The following CTNNA3 variants were observed in gnomAD, a reference collection of about 807,000 sequenced individuals.
CTNNA3 encodes catenin alpha-3.
Under a neutral mutation model 95.7 loss-of-function variants are expected in CTNNA3, and 76 were observed. That is an observed-to-expected ratio of 0.79 (90% CI 0.66 to 0.96). CTNNA3 has a LOEUF of 0.96. CTNNA3 is among the 40% of genes least tolerant of loss of function. CTNNA3 has a pLI of 0.00. For missense variants in CTNNA3, 1,191 were observed against 1,089.8 expected (o/e 1.09, Z -1.31); for synonymous variants, 431 against 374.4 (o/e 1.15, Z -1.74).
intron 13 of CTNNA3, among the ~76,000 whole-genome samples, chr10:66,254,385 G>C (rs141251345): frequency 1.3e-5 from 2 of 152,096 alleles, no homozygotes; most frequent in African/African-American, 4.8e-5. Flanking sequence ...TGACATCAAG[G>C]CACCAAAATA....
intron 3 of CTNNA3, among the ~76,000 whole-genome samples, chr10:67,566,041 G>GTATACATATATATATA (rs1388066358): frequency 1.4e-4 from 4 of 29,432 alleles, no homozygotes; most frequent in African/African-American, 5.4e-4. Context: ...ATATGTGTGT[G>GTATACATATATATATA]TGTATATATA....
intron 5 of CTNNA3, among the ~76,000 whole-genome samples, chr10:67,465,457 A>T (rs1847555776): frequency 6.6e-6 from 1 of 152,170 alleles, no homozygotes; most frequent in African/African-American, 2.4e-5. Flanking sequence ...GCTAGAATCA[A>T]CTTTTCTAGT....
intron 4 of CTNNA3, among the ~76,000 whole-genome samples, chr10:67,527,013 T>C (rs1027159496): frequency 6.6e-6 from 1 of 152,172 alleles, no homozygotes; most frequent in Non-Finnish European, 1.5e-5. Flanking sequence ...TCTCAGCACT[T>C]TGGGAGGCCG....
chr10:66,636,214 A>G (rs1031756806), intron 9 of CTNNA3, among the ~76,000 whole-genome samples: 1 of 152,078 alleles, frequency 6.6e-6, no homozygotes, highest in Admixed American at 6.6e-5. Context: ...ATAAAAATGA[A>G]GTATAGCTAA....
At chr10:67,451,989 A>G (rs1564659327) in intron 5 of CTNNA3, among the ~76,000 whole-genome samples, 1 of 142,234 alleles carries the variant, frequency 7.0e-6, no homozygotes, top group Non-Finnish European at 1.5e-5. Flanking sequence ...ACATAGTTAG[A>G]GTTCCGAAGG....
In CTNNA3 at chr10:67,141,408, T is replaced by C. The variant is rs1860559399; in HGVS notation, c.1047+38909A>G. Among the ~76,000 whole-genome samples, 7 of 152,086 alleles carry C rather than the reference T, an allele frequency of 4.6e-5. No individual in the cohort carries two copies. The South Asian group carries it at 1.4e-3, about 31-fold the overall frequency. Reference sequence around the variant, plus strand: ...CCTCCTAGGATTGCTGGGAGCAAAATAAACCCGACGTCATTCTCCTAAGCC... The same window carrying C: ...CCTCCTAGGATTGCTGGGAGCAAAACAAACCCGACGTCATTCTCCTAAGCC... On this transcript the variant is annotated intron_variant, in intron 7 of 17. Transcript: ENST00000433211.
At chr10:66,290,243 A>T (rs774338292) in intron 12 of CTNNA3, among the ~76,000 whole-genome samples, 2 of 152,062 alleles carry the variant, frequency 1.3e-5, no homozygotes, top group Non-Finnish European at 2.9e-5. Context: ...AGTGTGCAAT[A>T]AGCTTTAAAA....
At chr10:65,966,308 C>T (rs1413964965) in intron 17 of CTNNA3, among the ~76,000 whole-genome samples, 3 of 152,070 alleles carry the variant, frequency 2.0e-5, no homozygotes, top group Non-Finnish European at 4.4e-5. Flanking sequence ...TCCGGAGTTC[C>T]ATCTGTACAC....
chr10:66,054,806 C>A (rs2133549677), intron 15 of CTNNA3, among the ~76,000 whole-genome samples: 1 of 152,252 alleles, frequency 6.6e-6, no homozygotes, highest in South Asian at 2.1e-4. Context: ...TTACTCAGAC[C>A]AATGTCCTGA....
At chr10:66,846,361 A>C (rs1164409227) in intron 7 of CTNNA3, among the ~76,000 whole-genome samples, 2 of 152,140 alleles carry the variant, frequency 1.3e-5, no homozygotes, top group Admixed American at 6.5e-5. Flanking sequence ...CAATTAAGCA[A>C]GATAAATAAG....
chr10:66,425,581 C>T (rs767843507), intron 11 of CTNNA3, among the ~76,000 whole-genome samples: 8 of 151,844 alleles, frequency 5.3e-5, no homozygotes, highest in Non-Finnish European at 1.2e-4. Flanking sequence ...CTAATGGAAC[C>T]TTCCTCTTCC....
chr10:67,550,924 C>T (rs1174168054), intron 3 of CTNNA3, among the ~76,000 whole-genome samples: 2 of 152,114 alleles, frequency 1.3e-5, no homozygotes, highest in Admixed American at 1.3e-4. Context: ...TTTCGTGTCT[C>T]AGTCTATCAT....
intron 5 of CTNNA3, among the ~76,000 whole-genome samples, chr10:67,364,874 C>G (rs1843147029): frequency 6.6e-6 from 1 of 152,108 alleles, no homozygotes; most frequent in Non-Finnish European, 1.5e-5. Flanking sequence ...GAAAAACCTA[C>G]TTTAAAATTC....
chr10:67,658,512 G>A (rs7076484), intron 1 of CTNNA3, among the ~76,000 whole-genome samples: 18,514 of 151,984 alleles, frequency 0.12, 1,268 homozygotes, highest in Non-Finnish European at 0.16. Context: ...GCTTCCCTCC[G>A]GTGGCCTCAT....
At chr10:67,574,811 C>T (rs1842092055) in intron 3 of CTNNA3, among the ~76,000 whole-genome samples, 1 of 152,054 alleles carries the variant, frequency 6.6e-6, no homozygotes, top group African/African-American at 2.4e-5. Flanking sequence ...GAACTCCTGA[C>T]CTCAGGTGAT....
chr10:67,535,433 G>T (rs939479836), intron 4 of CTNNA3, among the ~76,000 whole-genome samples: 2 of 151,642 alleles, frequency 1.3e-5, no homozygotes, highest in Non-Finnish European at 2.9e-5. Flanking sequence ...AAAGTTCAAT[G>T]AATATAAATG....
At chr10:65,972,116 A>G (rs2078117114) in intron 16 of CTNNA3, among the ~76,000 whole-genome samples, 3 of 152,258 alleles carry the variant, frequency 2.0e-5, no homozygotes, top group South Asian at 4.1e-4. Flanking sequence ...ACATCCCTTC[A>G]TGATAAAAAC....
chr10:67,454,230 C>A (rs1847088756), intron 5 of CTNNA3, among the ~76,000 whole-genome samples: 1 of 152,046 alleles, frequency 6.6e-6, no homozygotes, highest in Non-Finnish European at 1.5e-5. Flanking sequence ...AACCAAGTGA[C>A]TTTTTAACAT....
At chr10:67,676,340 G>A (rs1589558795) in intron 1 of CTNNA3, among the ~76,000 whole-genome samples, 2 of 152,014 alleles carry the variant, frequency 1.3e-5, no homozygotes, top group South Asian at 4.2e-4. Flanking sequence ...AAGGAAAAAA[G>A]AAACTTTCAC....
Sources: gnomAD v4.1 joint callset for allele counts (sites outside exome capture counted in the v4.1 genomes callset) on GRCh38, gnomAD v4.1.1 for gene constraint, MANE v1.5 for transcripts, NCBI Gene and HGNC (gene_info 2026-07-23, HGNC 2026-07-21) for gene names.